The following HSD17B12 variants were observed in gnomAD, a reference collection of about 807,000 sequenced individuals.
The protein encoded by HSD17B12 is hydroxysteroid 17-beta dehydrogenase 12, also known as very-long-chain 3-oxoacyl-CoA reductase.
HSD17B12 carries 32 observed loss-of-function variants against 39.3 expected under a neutral mutation model. The observed-to-expected ratio is 0.81, with a 90% CI of 0.61 to 1.09. HSD17B12 has a LOEUF of 1.09. HSD17B12 is among the 50% of genes least tolerant of loss of function. HSD17B12 has a pLI of 0.00. For synonymous variants in HSD17B12, 150 were observed against 146.7 expected (o/e 1.02, Z -0.16); for missense variants, 342 against 382.9 (o/e 0.89, Z 0.89).
intron 9 of HSD17B12, among the ~76,000 whole-genome samples, chr11:43,842,069 A>G (rs1951432044): frequency 6.6e-6 from 1 of 152,138 alleles, no homozygotes; most frequent in African/African-American, 2.4e-5. Flanking sequence ...GTTTGGCACT[A>G]AAGCCTTTGT....
intron 1 of HSD17B12, among the ~76,000 whole-genome samples, chr11:43,732,499 G>C (rs1418881240): frequency 6.6e-6 from 1 of 151,676 alleles, no homozygotes; most frequent in Non-Finnish European, 1.5e-5. Context: ...CAGGGCCTCT[G>C]TCATCCAGGA....
At chr11:43,837,226 C>A (rs974139860) in intron 7 of HSD17B12, among the ~76,000 whole-genome samples, 1 of 152,008 alleles carries the variant, frequency 6.6e-6, no homozygotes, top group African/African-American at 2.4e-5. Flanking sequence ...AATCATGTAT[C>A]CTTTATTATT....
chr11:43,769,834 C>A (rs1489800382), intron 3 of HSD17B12, among the ~76,000 whole-genome samples: 2 of 152,198 alleles, frequency 1.3e-5, no homozygotes, highest in African/African-American at 2.4e-5. Flanking sequence ...AGCTTTCCTC[C>A]TGCTTCAGTT....
chr11:43,734,162 G>A, intron 1 of HSD17B12: 1 of 1,569,510 alleles, frequency 6.4e-7, no homozygotes, highest in South Asian at 1.1e-5. Flanking sequence ...TGATGCTGGA[G>A]AACTAATCAC....
chr11:43,796,359 A>G (rs1013859340), intron 3 of HSD17B12, among the ~76,000 whole-genome samples: 1 of 152,174 alleles, frequency 6.6e-6, no homozygotes, highest in Non-Finnish European at 1.5e-5. Context: ...AAAGAAAAAA[A>G]AAAATGGAAA....
chr11:43,771,341 C>T (rs1270766009), intron 3 of HSD17B12, among the ~76,000 whole-genome samples: 1 of 151,890 alleles, frequency 6.6e-6, no homozygotes, highest in African/African-American at 2.4e-5. Context: ...GGGTTGCTTC[C>T]AGTTTCTGGC....
At chr11:43,697,284 G>A (rs1371241134) in intron 1 of HSD17B12, among the ~76,000 whole-genome samples, 1 of 152,118 alleles carries the variant, frequency 6.6e-6, no homozygotes, top group Non-Finnish European at 1.5e-5. Flanking sequence ...GCCGGCTATG[G>A]GGGCACTAAC....
At chr11:43,562,887 T>C in the HSD17B12 span, among the ~76,000 whole-genome samples, 2 of 152,160 alleles carry the variant, frequency 1.3e-5, no homozygotes, top group African/African-American at 4.8e-5. Flanking sequence ...AGGGACTCAG[T>C]CAATGCATAG....
At chr11:43,715,102 T>G (rs1271462218) in intron 1 of HSD17B12, among the ~76,000 whole-genome samples, 1 of 152,164 alleles carries the variant, frequency 6.6e-6, no homozygotes, top group Non-Finnish European at 1.5e-5. Context: ...TTTTCCTAAT[T>G]GAATACTCTT....
At chr11:43,619,174 TATATATAAAATATATATATATATGATATA>T in the HSD17B12 span, among the ~76,000 whole-genome samples, 6 of 79,230 alleles carry the variant, frequency 7.6e-5, no homozygotes, top group African/African-American at 2.6e-4. Flanking sequence ...GATATATATA[TATATATAAAATATATATATATATGATATA>T]TATATATATA....
chr11:43,770,287 TC>T (rs1950636639), intron 3 of HSD17B12, among the ~76,000 whole-genome samples: 1 of 152,212 alleles, frequency 6.6e-6, no homozygotes, highest in Non-Finnish European at 1.5e-5. Flanking sequence ...GGCCCAGCAT[TC>T]TTGCAGGGCA....
intron 3 of HSD17B12, among the ~76,000 whole-genome samples, chr11:43,762,187 G>A (rs1413110763): frequency 6.7e-6 from 1 of 149,386 alleles, no homozygotes; most frequent in Non-Finnish European, 1.5e-5. Context: ...AGAAAAAAAA[G>A]ACGTTTTCTC....
intron 2 of HSD17B12, among the ~76,000 whole-genome samples, chr11:43,752,699 G>A (rs979032018): frequency 5.3e-5 from 8 of 151,896 alleles, no homozygotes; most frequent in African/African-American, 1.7e-4. Context: ...GGGTGACAGA[G>A]CAAGACTCTG....
chr11:43,776,600 T>A (rs1950706968), intron 3 of HSD17B12, among the ~76,000 whole-genome samples: 1 of 152,246 alleles, frequency 6.6e-6, no homozygotes, highest in Non-Finnish European at 1.5e-5. Context: ...GCAGAAGCTC[T>A]TTAGTTTAAT....
chr11:43,732,104 C>T (rs1950273199), intron 1 of HSD17B12, among the ~76,000 whole-genome samples: 1 of 152,050 alleles, frequency 6.6e-6, no homozygotes, highest in Non-Finnish European at 1.5e-5. Flanking sequence ...GTGGTTACCT[C>T]CATGCTGTTC....
At chr11:43,778,954 G>A (rs542499169) in intron 3 of HSD17B12, among the ~76,000 whole-genome samples, 1 of 152,220 alleles carries the variant, frequency 6.6e-6, no homozygotes, top group East Asian at 1.9e-4. Flanking sequence ...TAAACACTGA[G>A]CATTTTAGAA....
intron 1 of HSD17B12, among the ~76,000 whole-genome samples, chr11:43,690,812 T>C (rs1176090342): frequency 6.6e-6 from 1 of 152,044 alleles, no homozygotes; most frequent in Non-Finnish European, 1.5e-5. Flanking sequence ...TCTGTAAAAT[T>C]GGGATAATTA....
At chr11:43,574,032 A>C in the HSD17B12 span, among the ~76,000 whole-genome samples, 13 of 152,338 alleles carry the variant, frequency 8.5e-5, no homozygotes, top group African/African-American at 2.6e-4. Flanking sequence ...TCTCACATGC[A>C]TGCATGTATG....
intron 1 of HSD17B12, among the ~76,000 whole-genome samples, chr11:43,697,011 C>CG (rs1352293378): frequency 8.6e-5 from 11 of 128,104 alleles, no homozygotes; most frequent in East Asian, 2.5e-4. Flanking sequence ...GGACTTGTTG[C>CG]GGGGGGTGGG....
Sources: allele counts gnomAD v4.1 joint callset (sites outside exome capture counted in the v4.1 genomes callset), GRCh38; gene constraint gnomAD v4.1.1; transcripts MANE v1.5; gene names NCBI Gene and HGNC (gene_info 2026-07-23, HGNC 2026-07-21).